Variants in SIAE observed in about 807,000 individuals in gnomAD.
The protein encoded by SIAE is sialic acid acetylesterase, also known as sialate O-acetylesterase.
In SIAE, 39 loss-of-function variants were observed where a neutral mutation model predicts 52.6. The ratio of observed to expected loss-of-function variants is 0.74; its 90% CI spans 0.57 to 0.97. The LOEUF (loss-of-function observed/expected upper bound fraction) is 0.97, where lower values mean the gene tolerates loss of function less well. Ranked by LOEUF, SIAE falls within the 50% of genes least tolerant of loss-of-function variation. The pLI is 0.00. For synonymous variants in SIAE, 233 were observed against 241.4 expected (o/e 0.97, Z 0.32); for missense variants, 592 against 662.1 (o/e 0.89, Z 1.16).
At chr11:124,662,874 G>A (rs916824941) in intron 2 of SIAE, among the ~76,000 whole-genome samples, 1 of 152,196 alleles carries the variant, frequency 6.6e-6, no homozygotes, top group Admixed American at 6.5e-5. Context: ...GCAAAGCACA[G>A]TGGCTCATGC....
rs754516043 is a variant in SIAE, at chr11:124,660,625, T to G, written c.405+3A>C. ...GTATTATTGCTGAGACTCTGCAAAT[T>G]ACCTGTAACACAGTCATCTGCATGT... On this transcript the variant is annotated splice_donor_region_variant and intron_variant, in intron 3 of 9. Transcript: ENST00000263593. 6.2e-7 allele frequency: 1 copy of G among 1,613,976 alleles called. No individual in the cohort carries two copies. The highest frequency in any genetic ancestry group is 8.5e-7 in the Non-Finnish European group (1 of 1,179,868).
upstream of SIAE, chr11:124,673,885 G>GA: frequency 1.5e-6 from 1 of 648,156 alleles, no homozygotes; most frequent in Non-Finnish European, 2.6e-6. Flanking sequence ...TTTTTTTAAA[G>GA]AAAAAACGGT....
chr11:124,675,109 G>T, upstream of SIAE: 1 of 867,652 alleles, frequency 1.2e-6, no homozygotes, highest in Non-Finnish European at 1.7e-6. Flanking sequence ...GGATGGGCTT[G>T]GGTTGTGTTA....
In SIAE at chr11:124,651,960, C is replaced by A. The variant is rs140569675; in HGVS notation, c.545-2164G>T. Among the ~76,000 whole-genome samples, 3 of 152,236 alleles carry A rather than the reference C, an allele frequency of 2.0e-5. No homozygotes were observed. In the East Asian group the frequency reaches 5.8e-4, roughly 29 times the overall value. On this transcript the variant is annotated intron_variant, in intron 4 of 9. Transcript: ENST00000263593. ...AGAAGAGAGCTGGAGAAGCCTTAAA[C>A]CAGCAACAGGAGTTTAACAGACAGA...
intron 7 of SIAE, among the ~76,000 whole-genome samples, chr11:124,646,565 T>C (rs745321242): frequency 1.5e-5 from 2 of 135,036 alleles, no homozygotes; most frequent in Non-Finnish European, 3.1e-5. Flanking sequence ...GTGGAAGGGA[T>C]AACACCAAGT....
chr11:124,670,495 GAAT>G lies in SIAE; in HGVS notation c.68-977_68-975del, dbSNP rs1296988004. On this transcript the variant is annotated intron_variant, in intron 1 of 9. Coordinates refer to ENST00000263593, the MANE Select transcript of SIAE (RefSeq NM_170601.5). This position sits in a 1 kb window ranked among gnomAD's most constrained non-coding sequence, Gnocchi z 4.5. ...AAACAAATTATATCCCAATTTATCT[GAAT>G]AAAACAGACCCCAAACTACCTAAAA... Among the ~76,000 whole-genome samples the G allele has an allele frequency of 6.6e-6, 1 of 152,102 alleles. No individual in the cohort carries two copies. The highest frequency in any genetic ancestry group is 1.9e-4 in the East Asian group (1 of 5,202).
At position 124,654,660 on chromosome 11, in the gene SIAE, G is replaced by A. The variant is rs1591390231; in HGVS notation, c.539C>T (p.Thr180Ile). 6.2e-7 allele frequency: 1 copy of A among 1,614,030 alleles called. No individual in the cohort carries two copies. The highest frequency in any genetic ancestry group is 8.5e-7 in the Non-Finnish European group (1 of 1,180,010). ...VAVDLQWSKP[T>I]SENLGHGYFK... ...ACGTTCAAGCCGTCACATACCTGAG[G>A]TGGGCTTAGACCACTGCAAGTCAAC... The change falls in exon 4 of 10, where the codon ACC (threonine) becomes ATC (isoleucine). Residue 180 changes from threonine to isoleucine, a missense_variant. Transcript: ENST00000263593.
chr11:124,648,895 T>C (rs1466052128), intron 5 of SIAE, among the ~76,000 whole-genome samples: 1 of 152,154 alleles, frequency 6.6e-6, no homozygotes, highest in Non-Finnish European at 1.5e-5. Context: ...ACCCAAACTA[T>C]ACCCAGAGCT....
intron 2 of SIAE, among the ~76,000 whole-genome samples, chr11:124,662,910 C>T (rs930069310): frequency 7.2e-5 from 11 of 152,178 alleles, no homozygotes; most frequent in Admixed American, 1.3e-4. Flanking sequence ...TTTGGGAGGC[C>T]GAGGCAGGTG....
In SIAE at chr11:124,673,705, C is replaced by A. The variant is rs1446066171; in HGVS notation, c.4G>T (p.Val2Phe). The A allele has an allele frequency of 1.2e-6, 2 of 1,613,528 alleles. No homozygotes were observed. Among genetic ancestry groups the A allele is most frequent in the Non-Finnish European group, 1.7e-6 (2 of 1,179,772 alleles). Residue 2 changes from valine to phenylalanine, a missense_variant, in exon 1 of 10, where the codon GTC becomes TTC. Physicochemically the swap from Val to Phe is conservative, Grantham distance 50. Coordinates refer to ENST00000263593, the MANE Select transcript of SIAE (RefSeq NM_170601.5). M[V>F]APGLVLGLVL... Reference sequence around the variant, plus strand: ...AGCCCGAGTACAAGCCCCGGCGCGACCATGCTTGCAAGGATCTGACCGCCG... The same window carrying A: ...AGCCCGAGTACAAGCCCCGGCGCGAACATGCTTGCAAGGATCTGACCGCCG...
chr11:124,637,266 T>G, intron 9 of SIAE, 64 bp from the exon 10 acceptor site: 1 of 1,606,014 alleles, frequency 6.2e-7, no homozygotes, highest in Non-Finnish European at 8.5e-7. Flanking sequence ...AACTGGGCAC[T>G]GCTCTTTCAG....
Position 124,645,252 on chromosome 11 carries a change from G to A in SIAE, c.966+2113C>T, listed in dbSNP as rs1942914389. Among the ~76,000 whole-genome samples, 1 of 151,868 alleles carries A rather than the reference G, an allele frequency of 6.6e-6. No homozygotes were observed. Among genetic ancestry groups the A allele is most frequent in the African/African-American group, 2.4e-5 (1 of 41,336 alleles). The stretch of plus-strand genomic sequence containing the variant: ...GTGATAATAAAGTTAAAACCTGGAG[G>A]TTAAGGGACTTTCACTAAACTGTAA... On this transcript the variant is annotated intron_variant, in intron 7 of 9. Coordinates refer to ENST00000263593, the MANE Select transcript of SIAE (RefSeq NM_170601.5). The surrounding 1 kb of genome is among the most constrained non-coding windows in gnomAD (Gnocchi z 4.7).
intron 2 of SIAE, among the ~76,000 whole-genome samples, 154 bp from the exon 3 acceptor site, chr11:124,660,957 A>T (rs1943180173): frequency 6.6e-6 from 1 of 152,218 alleles, no homozygotes; most frequent in Non-Finnish European, 1.5e-5. Context: ...GATAGAACTA[A>T]CACGAGCAGC....
chr11:124,658,102 T>C (rs141573140), intron 3 of SIAE, among the ~76,000 whole-genome samples: 2,403 of 152,308 alleles, frequency 0.016, 31 homozygotes, highest in Non-Finnish European at 0.02. Flanking sequence ...TCAAAGCAGC[T>C]GCTCACTGGT....
intron 1 of SIAE, 21 bp downstream of exon 1, chr11:124,673,621 G>C (rs1942663879): frequency 1.9e-6 from 3 of 1,610,718 alleles, no homozygotes; most frequent in South Asian, 2.2e-5. Flanking sequence ...GCAGGGGTCC[G>C]GCCGAGCCGG....
chr11:124,673,117 ATAG>A (rs1202287060), intron 1 of SIAE, among the ~76,000 whole-genome samples: 1 of 152,186 alleles, frequency 6.6e-6, no homozygotes, highest in Non-Finnish European at 1.5e-5. Context: ...TGAGCCTTAA[ATAG>A]TCAGAGCTAG....
At chr11:124,656,882 C>T (rs567151279) in intron 3 of SIAE, among the ~76,000 whole-genome samples, 54 of 152,244 alleles carry the variant, frequency 3.5e-4, no homozygotes, top group Non-Finnish European at 5.7e-4. Flanking sequence ...AGGCCGGGTA[C>T]GTTCCATTGG....
At chr11:124,643,297 C>T (rs531038539) in intron 7 of SIAE, among the ~76,000 whole-genome samples, 3 of 152,176 alleles carry the variant, frequency 2.0e-5, no homozygotes, top group South Asian at 2.1e-4. Context: ...AAGGTGAGGT[C>T]GGCGGGTAAT....
chr11:124,669,962 G>A (rs1943326052), intron 1 of SIAE, among the ~76,000 whole-genome samples: 1 of 152,096 alleles, frequency 6.6e-6, no homozygotes, highest in East Asian at 1.9e-4. Flanking sequence ...TAATGACTGG[G>A]AATAAAACAG....
Sources: allele counts gnomAD v4.1 joint callset (sites outside exome capture counted in the v4.1 genomes callset), GRCh38; gene constraint gnomAD v4.1.1; non-coding constraint Gnocchi (gnomAD v3.1); transcripts MANE v1.5; gene names NCBI Gene and HGNC (gene_info 2026-07-23, HGNC 2026-07-21).